MAPT: variants seen among roughly 807,000 people sequenced by gnomAD.
MAPT encodes the protein microtubule-associated protein tau.
A neutral mutation model predicts 67.9 loss-of-function variants in MAPT; 34 were observed. That is an observed-to-expected ratio of 0.50 (90% CI 0.38 to 0.67). The LOEUF (loss-of-function observed/expected upper bound fraction) is 0.67. Ranked by LOEUF, MAPT falls within the 30% of genes least tolerant of loss-of-function variation. MAPT has a pLI of 0.00. For synonymous variants in MAPT, 456 were observed against 464.5 expected, an observed-to-expected ratio of 0.98 and a Z score of 0.23; for missense variants, 881 against 1,115.2, an observed-to-expected ratio of 0.79 and a Z score of 2.99.
intron 6 of MAPT, among the ~76,000 whole-genome samples, chr17:45,989,058 C>G (rs1225202567): frequency 6.6e-6 from 1 of 152,080 alleles, no homozygotes; most frequent in African/African-American, 2.4e-5. Context: ...GGGCACACTC[C>G]TGATTGTAGC....
At chr17:45,981,262 A>G (rs1297880287) in intron 4 of MAPT, among the ~76,000 whole-genome samples, 3 of 152,200 alleles carry the variant, frequency 2.0e-5, no homozygotes, top group African/African-American at 7.2e-5. Context: ...GGTGAGTTGC[A>G]TAGGTTGTTG....
chr17:45,915,690 G>T lies in MAPT; in HGVS notation c.-18+21004G>T, dbSNP rs2065158292. On this transcript the variant is annotated intron_variant, in intron 1 of 12. Transcript: ENST00000262410. This position sits in a 1 kb window ranked among gnomAD's most constrained non-coding sequence, Gnocchi z 4.4. The stretch of plus-strand genomic sequence containing the variant: ...TTTAGAGGGCTCTCCTGGAGTCAGA[G>T]GGGGTGGGTAGGAGGAGAAGGGAGG... 6.6e-6 allele frequency among the ~76,000 whole-genome samples: 1 copy of T among 152,052 alleles called. No homozygotes were observed. Among genetic ancestry groups the T allele is most frequent in the East Asian group, 1.9e-4 (1 of 5,190 alleles).
At chr17:45,964,867 A>T (rs1368879508) in intron 2 of MAPT, among the ~76,000 whole-genome samples, 3 of 150,752 alleles carry the variant, frequency 2.0e-5, no homozygotes, top group Non-Finnish European at 4.4e-5. Flanking sequence ...AACACTGCCT[A>T]CCCTGTCCCT....
At chr17:45,914,683 T>C (rs2065049887) in intron 1 of MAPT, among the ~76,000 whole-genome samples, 1 of 152,092 alleles carries the variant, frequency 6.6e-6, no homozygotes, top group Admixed American at 6.5e-5. Context: ...ATTTCTCTAC[T>C]ATTAATTTTG....
intron 9 of MAPT, chr17:45,999,290 G>A: frequency 6.2e-7 from 1 of 1,613,216 alleles, no homozygotes; most frequent in South Asian, 1.1e-5. Context: ...ATGAGTGAGG[G>A]TGGAGGCCAA....
At position 45,995,718 on chromosome 17, in the gene MAPT, G is replaced by T. The variant is rs538695128; in HGVS notation, c.1733-681G>T. On this transcript the variant is annotated intron_variant, in intron 8 of 12. Coordinates refer to ENST00000262410, the MANE Select transcript of MAPT (RefSeq NM_001377265.1). This position sits in a 1 kb window ranked among gnomAD's most constrained non-coding sequence, Gnocchi z 4.3. ...ACGTCAGGGCACAGCAGCATGAAGC[G>T]GTATGGCTCGTGTGGACAGCTAGGG... Among the ~76,000 whole-genome samples, 2 of 152,182 alleles carry T rather than the reference G, an allele frequency of 1.3e-5. No homozygotes were observed. Among genetic ancestry groups the T allele is most frequent in the African/African-American group, 4.8e-5 (2 of 41,438 alleles).
intron 1 of MAPT, among the ~76,000 whole-genome samples, chr17:45,946,614 AAAT>A (rs1466150723): frequency 8.6e-4 from 110 of 128,314 alleles, no homozygotes; most frequent in Admixed American, 3.0e-3. Context: ...AAAAAAAAAA[AAAT>A]ATATATATAT....
At chr17:45,985,182 G>A (rs2073414230) in intron 5 of MAPT, among the ~76,000 whole-genome samples, 2 of 152,246 alleles carry the variant, frequency 1.3e-5, no homozygotes, top group African/African-American at 2.4e-5. Flanking sequence ...GCGGGCACCT[G>A]TAGTCCCAGC....
chr17:45,942,357 C>T (rs1053229415), intron 1 of MAPT, among the ~76,000 whole-genome samples: 11 of 152,216 alleles, frequency 7.2e-5, no homozygotes, highest in Non-Finnish European at 1.3e-4. Context: ...CACCAGGACA[C>T]GGTTTTGGCT....
At chr17:45,899,850 G>A (rs752122457) in intron 1 of MAPT, among the ~76,000 whole-genome samples, 8 of 152,098 alleles carry the variant, frequency 5.3e-5, no homozygotes, top group Non-Finnish European at 1.2e-4. Flanking sequence ...CTCTTCCTAA[G>A]GTCCTTAAAC....
chr17:45,967,823 C>G (rs1354229425), intron 2 of MAPT, among the ~76,000 whole-genome samples: 1 of 152,148 alleles, frequency 6.6e-6, no homozygotes, highest in Non-Finnish European at 1.5e-5. Flanking sequence ...CAAAACCTAA[C>G]AAGTAAAAAC....
intron 1 of MAPT, among the ~76,000 whole-genome samples, chr17:45,902,952 T>G (rs1297076923): frequency 6.6e-6 from 1 of 152,194 alleles, no homozygotes; most frequent in Non-Finnish European, 1.5e-5. Context: ...TTCCAGCCTA[T>G]GGCCCAGTTT....
intron 2 of MAPT, 55 bp downstream of exon 2, chr17:45,962,525 G>A (rs752368673): frequency 6.8e-5 from 109 of 1,605,310 alleles, no homozygotes; most frequent in Non-Finnish European, 8.8e-5. Context: ...AAGGGGTGGC[G>A]GGAACAGTTT....
chr17:45,974,593 A>G, intron 3 of MAPT: 2 of 765,408 alleles, frequency 2.6e-6, no homozygotes, highest in Non-Finnish European at 4.3e-6. Flanking sequence ...ACATGGGTGG[A>G]TTCTGGCTCC....
At chr17:45,999,280 A>G (rs1453976805) in intron 9 of MAPT, 1 of 1,612,708 alleles carries the variant, frequency 6.2e-7, no homozygotes, top group Non-Finnish European at 8.5e-7. Flanking sequence ...AGTCTGGGCC[A>G]TGAGTGAGGG....
chr17:46,016,794 A>T (rs1056076568), intron 11 of MAPT, among the ~76,000 whole-genome samples: 2 of 152,136 alleles, frequency 1.3e-5, no homozygotes, highest in East Asian at 3.9e-4. Context: ...AAAGAAAGAA[A>T]TCAGTGCTGT....
chr17:45,948,314 T>C (rs1199045570), intron 1 of MAPT, among the ~76,000 whole-genome samples: 2 of 152,106 alleles, frequency 1.3e-5, no homozygotes, highest in Non-Finnish European at 2.9e-5. Context: ...CCTCCTGGGC[T>C]CTTTTCCTTT....
intron 9 of MAPT, among the ~76,000 whole-genome samples, chr17:46,008,668 A>G (rs960622319): frequency 4.6e-5 from 7 of 152,206 alleles, no homozygotes; most frequent in African/African-American, 1.7e-4. Context: ...GAAGATTCAG[A>G]CAAGTAAAAT....
At chr17:46,015,962 G>A (rs1225619183) in intron 11 of MAPT, among the ~76,000 whole-genome samples, 1 of 152,172 alleles carries the variant, frequency 6.6e-6, no homozygotes, top group East Asian at 1.9e-4. Flanking sequence ...GGGCCTCTCA[G>A]ACTCGAGGTT....
Sources: allele counts gnomAD v4.1 joint callset (sites outside exome capture counted in the v4.1 genomes callset), GRCh38; gene constraint gnomAD v4.1.1; non-coding constraint Gnocchi (gnomAD v3.1); transcripts MANE v1.5; gene names NCBI Gene and HGNC (gene_info 2026-07-23, HGNC 2026-07-21).